WDCP: variants seen among roughly 807,000 people sequenced by gnomAD.
The protein encoded by WDCP is WD repeat and coiled-coil-containing protein.
WDCP carries 19 observed loss-of-function variants against 41.6 expected under a neutral mutation model. The ratio of observed to expected loss-of-function variants is 0.46; its 90% confidence interval spans 0.32 to 0.67. WDCP has a LOEUF of 0.67. Ranked by LOEUF, WDCP falls within the 30% of genes least tolerant of loss-of-function variation. The pLI, the probability that WDCP is intolerant of heterozygous loss-of-function variation, is 0.04. For synonymous variants in WDCP, 302 were observed against 320.8 expected, an observed-to-expected ratio of 0.94 and a Z score of 0.63; for missense variants, 802 against 850.7, an observed-to-expected ratio of 0.94 and a Z score of 0.71.
At chr2:24,037,585 A>G (rs1663293143) in intron 2 of WDCP, 92 bp downstream of exon 2, 1 of 1,335,254 alleles carries the variant, frequency 7.5e-7, no homozygotes. Context: ...GCTCAGTTAG[A>G]GCACCATCTT....
In WDCP at chr2:24,037,008, A is replaced by G. The variant is rs554003807; in HGVS notation, c.1818+669T>C. Among the ~76,000 whole-genome samples, 3 of 152,376 alleles carry G rather than the reference A, an allele frequency of 2.0e-5. No individual in the cohort carries two copies. In the South Asian group the frequency reaches 6.2e-4, roughly 32 times the overall value. On this transcript the variant is annotated intron_variant, in intron 2 of 3. Coordinates refer to ENST00000295148, the MANE Select transcript of WDCP (RefSeq NM_025203.3). Reference sequence around the variant, plus strand: ...CATGCATGCATAAAGAAATGCATCAAAACATTTTAAATGAACATAACCTTT... The same window carrying G: ...CATGCATGCATAAAGAAATGCATCAGAACATTTTAAATGAACATAACCTTT...
intron 1 of WDCP, chr2:24,045,803 A>G (rs576325712): frequency 6.6e-6 from 1 of 152,162 alleles, no homozygotes; most frequent in African/African-American, 2.4e-5. Flanking sequence ...GGAGACCCCA[A>G]TTCTACAGAA....
chr2:24,031,121 T>C lies in WDCP; in HGVS notation c.1978A>G (p.Ile660Val). The C allele has an allele frequency of 6.2e-7, 1 of 1,614,168 alleles. No individual in the cohort carries two copies. The highest frequency in any genetic ancestry group is 2.2e-5 in the East Asian group (1 of 44,894). ...TGTGTGGCTGTGAAGGTTAACGGGATAAAGCCCTCACTGTCAGCAGAGAGA... is the reference window on the plus strand; with the variant it reads ...TGTGTGGCTGTGAAGGTTAACGGGACAAAGCCCTCACTGTCAGCAGAGAGA... ...ILLSADSEGFIPLTFTATQEI... is the reference protein window; with the variant it reads ...ILLSADSEGFVPLTFTATQEI... Residue 660 changes from isoleucine (I) to valine (V), a missense_variant, in exon 4 of 4, where the codon ATC (isoleucine) becomes GTC (valine). Transcript: ENST00000295148.
At chr2:24,045,881 C>T (rs117857719) in intron 1 of WDCP, 861 of 152,016 alleles carry the variant, frequency 5.7e-3, no homozygotes, top group East Asian at 0.013. Flanking sequence ...TGATACAGAG[C>T]GTAGCATGGC....
At chr2:24,041,539 G>A (rs926905437) in intron 1 of WDCP, among the ~76,000 whole-genome samples, 1 of 152,026 alleles carries the variant, frequency 6.6e-6, no homozygotes, top group East Asian at 1.9e-4. Context: ...GGGTAGCCAG[G>A]CATGGTGGCT....
In WDCP at chr2:24,029,788, T is replaced by C. The variant is rs1663055881; in HGVS notation, c.*1145A>G. 6.6e-6 allele frequency: 1 copy of C among 152,272 alleles called. No homozygotes were observed. Among genetic ancestry groups the C allele is most frequent in the Non-Finnish European group, 1.5e-5 (1 of 68,040 alleles). 9.4% of individuals were successfully genotyped at this position (152,272 alleles called of 1,614,324 possible). A position where few individuals can be genotyped will look rare whatever the true frequency, so the allele number is the denominator to read the frequency against. On this transcript the variant is annotated 3_prime_UTR_variant, in exon 4 of 4. Coordinates refer to ENST00000295148, the MANE Select transcript of WDCP (RefSeq NM_025203.3). ...GCTTCTATGGCTGAAACAATTTATC[T>C]GCAGATGCCTAGCCACTCACTGATC... is the stretch of plus-strand genomic sequence containing the variant.
chr2:24,032,937 A>G lies in WDCP; in HGVS notation c.1828T>C (p.Tyr610His). The change falls in exon 3 of 4, where the codon TAT becomes CAT. Residue 610 changes from tyrosine to histidine, a missense_variant. This residue lies in a region of WDCP where 321 missense variants were observed against 305.1 expected (regional missense o/e 1.05). Transcript: ENST00000295148. ...YVHIIYQKPY[Y>H]LGPVVEKRAV... is the part of the protein sequence containing the mutation. Reference sequence around the variant, plus strand: ...CTTTTTTCAACAACAGGACCTAGATAATAAGGTTTCTGCAAATAAAAAATA... The same window carrying G: ...CTTTTTTCAACAACAGGACCTAGATGATAAGGTTTCTGCAAATAAAAAATA... The G allele has an allele frequency of 6.3e-7, 1 of 1,596,496 alleles. No individual in the cohort carries two copies. Among genetic ancestry groups the G allele is most frequent in the Non-Finnish European group, 8.6e-7 (1 of 1,164,146 alleles).
In WDCP at chr2:24,038,935, G is replaced by A. The variant is rs1480152912; in HGVS notation, c.560C>T (p.Ala187Val). ...SSLHSYIWDS[A>V]QKTLHRCSSC... ...GGAGCACCTGTGAAGAGTCTTCTGA[G>A]CGCTGTCCCAAATATAAGAATGCAG... Residue 187 changes from alanine to valine, a missense_variant, in exon 2 of 4, where the codon GCT (alanine) becomes GTT (valine). Physicochemically the swap from Ala to Val is moderately conservative, Grantham distance 64 (BLOSUM62 0). Transcript: ENST00000295148. The A allele has an allele frequency of 1.2e-6, 2 of 1,614,190 alleles. No homozygotes were observed. The highest frequency in any genetic ancestry group is 1.1e-5 in the South Asian group (1 of 91,082).
chr2:24,038,848 T>C lies in WDCP; in HGVS notation c.647A>G (p.Gln216Arg). The stretch of plus-strand genomic sequence containing the variant: ...TGGAAGCTCAGTAGCTATAGCAACC[T>C]GTGAGTCCACAGTTGCTGTGATGGA... ...VCSITATVDS[Q>R]VAIATELPLD... is the part of the protein sequence containing the mutation. The change falls in exon 2 of 4, where the codon CAG becomes CGG. Residue 216 changes from glutamine to arginine, a missense_variant. Coordinates refer to ENST00000295148, the MANE Select transcript of WDCP (RefSeq NM_025203.3). 2 of 1,614,216 alleles carry C rather than the reference T, an allele frequency of 1.2e-6. No homozygotes were observed. Among genetic ancestry groups the C allele is most frequent in the East Asian group, 4.5e-5 (2 of 44,892 alleles).
chr2:24,047,101 G>C (rs568763041), intron 1 of WDCP, among the ~76,000 whole-genome samples: 7 of 152,114 alleles, frequency 4.6e-5, no homozygotes, highest in African/African-American at 1.4e-4. Context: ...TTATTCACGA[G>C]TCACGGTCAT....
In WDCP at chr2:24,038,629, T is replaced by C. The variant is rs776732735; in HGVS notation, c.866A>G (p.His289Arg). The C allele has an allele frequency of 6.2e-7, 1 of 1,614,202 alleles. No homozygotes were observed. The highest frequency in any genetic ancestry group is 8.5e-7 in the Non-Finnish European group (1 of 1,180,020). Residue 289 changes from histidine to arginine, a missense_variant, in exon 2 of 4, where the codon CAT becomes CGT. This residue lies in a region of WDCP where 247 missense variants were observed against 240.5 expected (regional missense o/e 1.03). Transcript: ENST00000295148. Reference protein sequence around the residue: ...YLEPLDLTHIHFNQHKSEGNS... With the variant: ...YLEPLDLTHIRFNQHKSEGNS... Reference sequence around the variant, plus strand: ...ACCCTCAGACTTATGTTGATTGAAATGTATGTGAGTTAGATCCAGAGGTTC... The same window carrying C: ...ACCCTCAGACTTATGTTGATTGAAACGTATGTGAGTTAGATCCAGAGGTTC...
rs1181223534 is a variant in WDCP, at chr2:24,038,158, G to A, written c.1337C>T (p.Thr446Ile). ...EPSITSGESQ[T>I]TYSTFSAPLN... Reference sequence around the variant, plus strand: ...CGGAGCACTGAAAGTAGAGTAGGTAGTCTGGCTTTCACCTGATGTTATTGA... The same window carrying A: ...CGGAGCACTGAAAGTAGAGTAGGTAATCTGGCTTTCACCTGATGTTATTGA... The change falls in exon 2 of 4, where the codon ACT (threonine) becomes ATT (isoleucine). Residue 446 changes from threonine (T) to isoleucine (I), a missense_variant. Physicochemically the swap from Thr to Ile is moderately conservative, Grantham distance 89. This residue lies in a region of WDCP where 13 missense variants were observed against 31.8 expected (regional missense o/e 0.41). Coordinates refer to ENST00000295148, the MANE Select transcript of WDCP (RefSeq NM_025203.3). 1 of 1,614,216 alleles carries A rather than the reference G, an allele frequency of 6.2e-7. No homozygotes were observed. Among genetic ancestry groups the A allele is most frequent in the Non-Finnish European group, 8.5e-7 (1 of 1,180,028 alleles).
intron 2 of WDCP, among the ~76,000 whole-genome samples, chr2:24,036,012 C>T (rs1340632065): frequency 2.7e-5 from 4 of 150,236 alleles, no homozygotes; most frequent in South Asian, 4.2e-4. Context: ...GAGGTTGCAG[C>T]GAGCTGAGAT....
intron 2 of WDCP, among the ~76,000 whole-genome samples, chr2:24,035,379 G>T (rs912858684): frequency 1.3e-5 from 2 of 151,860 alleles, no homozygotes; most frequent in Non-Finnish European, 2.9e-5. Flanking sequence ...TCTGCATAAA[G>T]AAATAAAAAT....
chr2:24,045,642 G>A (rs1260623292), intron 1 of WDCP, among the ~76,000 whole-genome samples: 1 of 138,190 alleles, frequency 7.2e-6, no homozygotes, highest in Non-Finnish European at 1.6e-5. Context: ...AGGAAGGAAG[G>A]AAGGAAGGAA....
rs893220813 is a variant in WDCP at position 24,037,575 on chromosome 2, G to A, written c.1818+102C>T. On this transcript the variant is annotated intron_variant, in intron 2 of 3. Coordinates refer to ENST00000295148, the MANE Select transcript of WDCP (RefSeq NM_025203.3). ...AACATAACATGCCCAGCTTAGTGAA[G>A]CTCAGTTAGAGCACCATCTTCCTCA... 8.5e-6 allele frequency: 11 copies of A among 1,290,236 alleles called. No individual in the cohort carries two copies. The Admixed American group carries it at 2.5e-4, about 30-fold the overall frequency. 79.9% of individuals were successfully genotyped at this position (1,290,236 alleles called of 1,614,324 possible). A position where few individuals can be genotyped will look rare whatever the true frequency, so the allele number is the denominator to read the frequency against.
chr2:24,044,783 C>T (rs1487905451), intron 1 of WDCP, among the ~76,000 whole-genome samples: 1 of 147,274 alleles, frequency 6.8e-6, no homozygotes, highest in African/African-American at 2.5e-5. Flanking sequence ...CCAAATGAGC[C>T]TGCATACTAT....
Position 24,032,925 on chromosome 2 carries a change from C to A in WDCP, c.1840G>T (p.Val614Phe), listed in dbSNP as rs375135605. 5.6e-6 allele frequency: 9 copies of A among 1,609,060 alleles called. No homozygotes were observed. Among genetic ancestry groups the A allele is most frequent in the Non-Finnish European group, 7.7e-6 (9 of 1,175,464 alleles). The change falls in exon 3 of 4, where the codon GTT becomes TTT. Residue 614 changes from valine (V) to phenylalanine (F), a missense_variant. Physicochemically the swap from Val to Phe is conservative, Grantham distance 50. This residue lies in a region of WDCP where 321 missense variants were observed against 305.1 expected (regional missense o/e 1.05). Transcript: ENST00000295148. ...AGAAGCACCGCTCTTTTTTCAACAA[C>A]AGGACCTAGATAATAAGGTTTCTGC... The part of the protein sequence containing the change: ...IYQKPYYLGP[V>F]VEKRAVLLCD...
intron 1 of WDCP, among the ~76,000 whole-genome samples, chr2:24,044,805 C>G (rs1573669885): frequency 8.7e-6 from 1 of 115,356 alleles, no homozygotes. Context: ...TGTTGTTGGG[C>G]AGAATTATCT....
Sources: gnomAD v4.1 joint callset for allele counts (sites outside exome capture counted in the v4.1 genomes callset) on GRCh38, gnomAD v4.1.1 for gene constraint, gnomAD v4.1.1 regional missense constraint, MANE v1.5 for transcripts, NCBI Gene and HGNC (gene_info 2026-07-23, HGNC 2026-07-21) for gene names.